Variants in NRG3 observed in about 807,000 individuals in gnomAD.
NRG3 encodes pro-neuregulin-3, membrane-bound isoform.
Under a neutral mutation model 66.9 loss-of-function variants are expected in NRG3, and 31 were observed. The ratio of observed to expected loss-of-function variants is 0.46; its 90% CI spans 0.35 to 0.63. NRG3 has a LOEUF of 0.63. Ranked by LOEUF, NRG3 falls within the 20% of genes least tolerant of loss-of-function variation. NRG3 has a pLI of 0.00. For synonymous variants in NRG3, 393 were observed against 359.4 expected, an observed-to-expected ratio of 1.09 and a Z score of -1.06; for missense variants, 910 against 878.9, an observed-to-expected ratio of 1.04 and a Z score of -0.45.
At chr10:82,329,008 T>C (rs1161461901) in intron 1 of NRG3, among the ~76,000 whole-genome samples, 2 of 152,196 alleles carry the variant, frequency 1.3e-5, no homozygotes, top group African/African-American at 4.8e-5. Context: ...ATTTCAGCCA[T>C]TTTCTGCATC....
rs1190632267 is a variant in NRG3 at position 82,408,056 on chromosome 10, A to AGAGAGAGAGAGC, written c.953+49199_953+49200insCGAGAGAGAGAG. 4.8e-4 allele frequency among the ~76,000 whole-genome samples: 55 copies of AGAGAGAGAGAGC among 115,522 alleles called. 2 individuals carry two copies. Among genetic ancestry groups the AGAGAGAGAGAGC allele is most frequent in the East Asian group, 1.6e-3 (6 of 3,804 alleles). The allele number at this position is 115,522 out of a possible 152,430, so 75.8% of individuals were successfully genotyped here. A position where few individuals can be genotyped will look rare whatever the true frequency, so the allele number is the denominator to read the frequency against. ...AGAGCAAGACTACATCGAGAGAGAG[A>AGAGAGAGAGAGC]GAGAGAGAGAGAGAGAGAGAGAGAG... is the stretch of plus-strand genomic sequence containing the variant. On this transcript the variant is annotated intron_variant, in intron 2 of 8. Coordinates refer to ENST00000372141, the MANE Select transcript of NRG3 (RefSeq NM_001010848.4).
At chr10:82,622,007 C>G (rs745805458) in intron 2 of NRG3, among the ~76,000 whole-genome samples, 7 of 152,142 alleles carry the variant, frequency 4.6e-5, no homozygotes, top group Non-Finnish European at 1.0e-4. Context: ...TTTCCAGTTC[C>G]TTTTCCCATC....
chr10:82,326,155 A>G (rs61864204), intron 1 of NRG3, among the ~76,000 whole-genome samples: 2,713 of 152,282 alleles, frequency 0.018, 42 homozygotes, highest in Non-Finnish European at 0.026. Context: ...ACTTTTGTTG[A>G]GTAAAGCATT....
chr10:82,291,621 T>C (rs2079754087), intron 1 of NRG3, among the ~76,000 whole-genome samples: 1 of 152,190 alleles, frequency 6.6e-6, no homozygotes, highest in African/African-American at 2.4e-5. Context: ...ACAAATCAGT[T>C]GGACAGAATA....
intron 2 of NRG3, among the ~76,000 whole-genome samples, chr10:82,698,180 T>G (rs1311857184): frequency 9.5e-6 from 1 of 105,176 alleles, no homozygotes; most frequent in Non-Finnish European, 2.5e-5. Context: ...CGTTTGATTT[T>G]TTTGTTTCTT....
chr10:82,358,979 C>T (rs2135586807), intron 2 of NRG3, 111 bp downstream of exon 2: 2 of 1,428,564 alleles, frequency 1.4e-6, no homozygotes, highest in Non-Finnish European at 1.9e-6. Context: ...ACAGTCCCAC[C>T]GTTTGAATAG....
chr10:82,529,460 G>A (rs541274716), intron 2 of NRG3, among the ~76,000 whole-genome samples: 59 of 152,310 alleles, frequency 3.9e-4, no homozygotes, highest in Middle Eastern at 6.8e-3. Flanking sequence ...TAGTATAAAT[G>A]CTATCACTAC....
rs1332529405 is a variant in NRG3 at position 82,732,651 on chromosome 10, T to A, written c.954-5926T>A. ...ATAAAAACTAACATTTCTTGAATGC[T>A]TATCATGCACCACAGGTATTGTATC... On this transcript the variant is annotated intron_variant, in intron 2 of 8. Coordinates refer to ENST00000372141, the MANE Select transcript of NRG3 (RefSeq NM_001010848.4). Among the ~76,000 whole-genome samples, 3 of 152,326 alleles carry A rather than the reference T, an allele frequency of 2.0e-5. No homozygotes were observed. In the East Asian group the frequency reaches 5.8e-4, roughly 29 times the overall value.
chr10:82,728,193 G>A (rs1252704972), intron 2 of NRG3, among the ~76,000 whole-genome samples: 4 of 152,154 alleles, frequency 2.6e-5, no homozygotes, highest in South Asian at 4.1e-4. Context: ...TTGGGGGACT[G>A]TAGGGAACGC....
intron 2 of NRG3, among the ~76,000 whole-genome samples, chr10:82,687,783 C>T (rs891707138): frequency 1.3e-5 from 2 of 152,016 alleles, no homozygotes; most frequent in Non-Finnish European, 2.9e-5. Context: ...AAGCTGGTCC[C>T]CACATCTTCA....
At chr10:81,895,923 G>A (rs1288593163) in intron 1 of NRG3, among the ~76,000 whole-genome samples, 1 of 152,060 alleles carries the variant, frequency 6.6e-6, no homozygotes, top group African/African-American at 2.4e-5. Flanking sequence ...AGATATGTGG[G>A]AACTGGGGGC....
At chr10:82,377,660 TAGG>T (rs985573630) in intron 2 of NRG3, among the ~76,000 whole-genome samples, 2 of 152,082 alleles carry the variant, frequency 1.3e-5, no homozygotes, top group African/African-American at 4.8e-5. Context: ...GGGAAATGAC[TAGG>T]AGACCAGGAA....
rs542359435 is a variant in NRG3, at chr10:82,372,467, T to A, written c.953+13599T>A. Among the ~76,000 whole-genome samples the A allele has an allele frequency of 7.9e-5, 12 of 152,358 alleles. No homozygotes were observed. The South Asian group carries it at 1.9e-3, about 24-fold the overall frequency. ...TTCAAGCCTAACAAGTATATCACAC[T>A]GATTAAATTATGAAATTAAGATTTT... On this transcript the variant is annotated intron_variant, in intron 2 of 8. Transcript: ENST00000372141.
At chr10:82,558,595 A>C (rs1027448479) in intron 2 of NRG3, among the ~76,000 whole-genome samples, 1 of 149,286 alleles carries the variant, frequency 6.7e-6, no homozygotes, top group African/African-American at 2.4e-5. Flanking sequence ...CAGACAAATC[A>C]GGAAGAATGG....
intron 5 of NRG3, among the ~76,000 whole-genome samples, chr10:82,955,553 A>G (rs183736281): frequency 3.3e-5 from 5 of 152,040 alleles, no homozygotes; most frequent in Non-Finnish European, 4.4e-5. Context: ...CTCTAAAACT[A>G]GAATTGAAGT....
chr10:82,747,592 C>T (rs568607627), intron 3 of NRG3, among the ~76,000 whole-genome samples: 1 of 152,052 alleles, frequency 6.6e-6, no homozygotes, highest in South Asian at 2.1e-4. Flanking sequence ...AATATTGAAT[C>T]CTTTTTTCAC....
At chr10:82,411,664 G>T (rs2088102425) in intron 2 of NRG3, among the ~76,000 whole-genome samples, 1 of 152,080 alleles carries the variant, frequency 6.6e-6, no homozygotes, top group Non-Finnish European at 1.5e-5. Flanking sequence ...TTTACTCTGA[G>T]TTCTAAGTGA....
At chr10:81,949,988 C>T (rs1330963652) in intron 1 of NRG3, among the ~76,000 whole-genome samples, 4 of 152,150 alleles carry the variant, frequency 2.6e-5, no homozygotes, top group African/African-American at 9.7e-5. Flanking sequence ...TCTCTATTGC[C>T]CAGATTTCCC....
intron 1 of NRG3, among the ~76,000 whole-genome samples, chr10:82,087,619 C>A (rs535005726): frequency 2.6e-5 from 4 of 152,096 alleles, no homozygotes; most frequent in Non-Finnish European, 5.9e-5. Context: ...ATTGCACTGC[C>A]CATTGTCTGT....
Sources: gnomAD v4.1 joint callset for allele counts (sites outside exome capture counted in the v4.1 genomes callset) on GRCh38, gnomAD v4.1.1 for gene constraint, MANE v1.5 for transcripts, NCBI Gene and HGNC (gene_info 2026-07-23, HGNC 2026-07-21) for gene names.